EYA4: variants seen among roughly 807,000 people sequenced by gnomAD.
EYA4 encodes protein phosphatase EYA4.
Under a neutral mutation model 87.9 loss-of-function variants are expected in EYA4, and 31 were observed. The ratio of observed to expected loss-of-function variants is 0.35; its 90% confidence interval spans 0.27 to 0.48. EYA4 has a LOEUF of 0.48. Ranked by LOEUF, EYA4 falls within the 20% of genes least tolerant of loss-of-function variation. EYA4 has a pLI of 0.99. For missense variants in EYA4, 678 were observed against 761.4 expected (o/e 0.89, Z 1.29); for synonymous variants, 263 against 270.6 (o/e 0.97, Z 0.28).
chr6:133,255,293 A>G (rs1338823516), intron 1 of EYA4, among the ~76,000 whole-genome samples: 1 of 152,156 alleles, frequency 6.6e-6, no homozygotes, highest in Non-Finnish European at 1.5e-5. Flanking sequence ...TACTTTGTAT[A>G]ACATATTAAA....
Position 133,259,845 on chromosome 6 carries a change from A to C in EYA4, c.-65-14871A>C, listed in dbSNP as rs1582772286. Among the ~76,000 whole-genome samples, 3 of 152,292 alleles carry C rather than the reference A, an allele frequency of 2.0e-5. No individual in the cohort carries two copies. In the East Asian group the frequency reaches 5.8e-4, roughly 29 times the overall value. On this transcript the variant is annotated intron_variant, in intron 1 of 19. Coordinates refer to ENST00000355286, the MANE Select transcript of EYA4 (RefSeq NM_004100.5). ...TCCTGAGAAATTAATGTTATAGAAA[A>C]GTTGTTTGGAAAGATATAATTGTGA...
At chr6:133,503,130 T>G (rs574374358) in intron 13 of EYA4, among the ~76,000 whole-genome samples, 1 of 152,320 alleles carries the variant, frequency 6.6e-6, no homozygotes, top group Non-Finnish European at 1.5e-5. Context: ...GCATTTTGCT[T>G]TTTTTAAAAA....
In EYA4 at chr6:133,385,391, C is replaced by CTCTGTGTGTGTGTG. The variant is rs1167048788; in HGVS notation, c.83+2951_83+2952insCTGTGTGTGTGTGT. On this transcript the variant is annotated intron_variant, in intron 3 of 19. Coordinates refer to ENST00000355286, the MANE Select transcript of EYA4 (RefSeq NM_004100.5). ...CTCTGTGTGTGTATGTATGCTCTCT[C>CTCTGTGTGTGTGTG]TGTGTGTGTGTGTGTGTGTGTGTGT... is the stretch of plus-strand genomic sequence containing the variant. Among the ~76,000 whole-genome samples the CTCTGTGTGTGTGTG allele has an allele frequency of 2.6e-5, 3 of 115,342 alleles. No individual in the cohort carries two copies. The East Asian group carries it at 7.5e-4, about 29-fold the overall frequency. The allele number at this position is 115,342 out of a possible 152,430, so 75.7% of individuals were successfully genotyped here.
At chr6:133,393,551 G>T in intron 3 of EYA4, among the ~76,000 whole-genome samples, 1 of 152,148 alleles carries the variant, frequency 6.6e-6, no homozygotes, top group East Asian at 1.9e-4. Flanking sequence ...ACTCCCTTCA[G>T]TAAAAGCCTG....
At chr6:133,311,317 A>T (rs755677728) in intron 2 of EYA4, among the ~76,000 whole-genome samples, 4 of 151,772 alleles carry the variant, frequency 2.6e-5, no homozygotes, top group Non-Finnish European at 5.9e-5. Flanking sequence ...ATTTAATTTA[A>T]TTTTTATTTG....
In EYA4 at chr6:133,454,904, T is replaced by TA. The variant is rs543347604; in HGVS notation, c.278-1651dup. 5.3e-5 allele frequency among the ~76,000 whole-genome samples: 8 copies of TA among 152,262 alleles called. No homozygotes were observed. The South Asian group carries it at 1.0e-3, about 20-fold the overall frequency. On this transcript the variant is annotated intron_variant, in intron 5 of 19. Transcript: ENST00000355286. ...ATTTTCGTACCTGAAGGCAGCCTGATACGGTGGAAAGATCCTGCATACTAG... is the reference window on the plus strand; with the variant it reads ...ATTTTCGTACCTGAAGGCAGCCTGATAACGGTGGAAAGATCCTGCATACTAG...
chr6:133,418,614 A>T (rs1789952337), intron 3 of EYA4, among the ~76,000 whole-genome samples: 1 of 152,224 alleles, frequency 6.6e-6, no homozygotes, highest in Non-Finnish European at 1.5e-5. Context: ...AATATACATA[A>T]TTGATAAGTC....
At chr6:133,289,738 C>T in intron 2 of EYA4, among the ~76,000 whole-genome samples, 1 of 152,032 alleles carries the variant, frequency 6.6e-6, no homozygotes, top group Non-Finnish European at 1.5e-5. Flanking sequence ...TTTAAAAGTA[C>T]TTGCCTCAAA....
intron 2 of EYA4, among the ~76,000 whole-genome samples, chr6:133,356,143 A>G (rs1784013157): frequency 6.6e-6 from 1 of 152,080 alleles, no homozygotes; most frequent in Non-Finnish European, 1.5e-5. Flanking sequence ...TCCCATCGTG[A>G]TGACCCTGCT....
At chr6:133,485,112 G>A (rs778199660) in intron 13 of EYA4, among the ~76,000 whole-genome samples, 4 of 152,160 alleles carry the variant, frequency 2.6e-5, no homozygotes, top group Non-Finnish European at 5.9e-5. Context: ...AATTCCAAAA[G>A]CAAAGTTCAA....
At position 133,506,136 on chromosome 6, in the gene EYA4, C is replaced by T. The variant is rs775741050; in HGVS notation, c.1222C>T (p.Arg408Cys). ...DPPMAVTLGL[R>C]MEEMIFNLAD... ...CCCCATGGCTGTAACCCTTGGACTC[C>T]GCATGGAAGAAATGATTTTTAATCT... The change falls in exon 14 of 20, where the codon CGC becomes TGC. Residue 408 changes from arginine (R) to cysteine (C), a missense_variant. Transcript: ENST00000355286. 2.8e-5 allele frequency: 45 copies of T among 1,611,484 alleles called. No individual in the cohort carries two copies. The Admixed American group carries it at 3.8e-4, about 14-fold the overall frequency.
chr6:133,281,546 A>G (rs972244236), intron 2 of EYA4, among the ~76,000 whole-genome samples: 1 of 152,178 alleles, frequency 6.6e-6, no homozygotes, highest in African/African-American at 2.4e-5. Context: ...ACAGTTTTCT[A>G]TAGTTTTAGC....
intron 17 of EYA4, among the ~76,000 whole-genome samples, chr6:133,522,278 C>A (rs1163305501): frequency 3.5e-5 from 5 of 140,850 alleles, no homozygotes; most frequent in Admixed American, 7.1e-5. Context: ...TTGTTTATAT[C>A]TATTAACTAT....
chr6:133,432,824 C>A (rs1235215213), intron 3 of EYA4, among the ~76,000 whole-genome samples: 1 of 152,030 alleles, frequency 6.6e-6, no homozygotes, highest in Non-Finnish European at 1.5e-5. Flanking sequence ...GGTTGAGTAA[C>A]CTCATAAAGA....
chr6:133,412,101 A>G (rs1789293542), intron 3 of EYA4, among the ~76,000 whole-genome samples: 1 of 152,238 alleles, frequency 6.6e-6, no homozygotes, highest in African/African-American at 2.4e-5. Flanking sequence ...CACTTCAAAT[A>G]CAACTTCAAC....
intron 16 of EYA4, among the ~76,000 whole-genome samples, chr6:133,513,381 C>G (rs1213849371): frequency 6.6e-6 from 1 of 152,138 alleles, no homozygotes; most frequent in Non-Finnish European, 1.5e-5. Flanking sequence ...GAAAGAAGTC[C>G]TTTCTCAAGT....
At chr6:133,410,583 C>T (rs533875408) in intron 3 of EYA4, among the ~76,000 whole-genome samples, 2 of 149,370 alleles carry the variant, frequency 1.3e-5, no homozygotes, top group African/African-American at 4.9e-5. Context: ...AAGAGCTCCT[C>T]CTAACCAAAA....
chr6:133,500,251 C>T (rs138915133), intron 13 of EYA4, among the ~76,000 whole-genome samples: 158 of 152,000 alleles, frequency 1.0e-3, no homozygotes, highest in African/African-American at 3.5e-3. Context: ...GGGTGTGGCC[C>T]GAGCAACAGG....
At chr6:133,510,212 A>AAAT (rs1799024725) in intron 14 of EYA4, among the ~76,000 whole-genome samples, 1 of 152,222 alleles carries the variant, frequency 6.6e-6, no homozygotes, top group Non-Finnish European at 1.5e-5. Context: ...AGAGGATATT[A>AAAT]AATAGAGAAA....
Sources: gnomAD v4.1 joint callset for allele counts (sites outside exome capture counted in the v4.1 genomes callset) on GRCh38, gnomAD v4.1.1 for gene constraint, MANE v1.5 for transcripts, NCBI Gene and HGNC (gene_info 2026-07-23, HGNC 2026-07-21) for gene names.